The following AGAP1 variants were observed in gnomAD, a reference collection of about 807,000 sequenced individuals.
The protein encoded by AGAP1 is ArfGAP with GTPase domain, ankyrin repeat and PH domain 1.
AGAP1 carries 29 observed loss-of-function variants against 105.3 expected under a neutral mutation model. The ratio of observed to expected loss-of-function variants is 0.28; its 90% confidence interval spans 0.21 to 0.38. AGAP1 has a LOEUF of 0.38. Ranked by LOEUF, AGAP1 falls within the 10% of genes least tolerant of loss-of-function variation. The pLI is 1.00. For missense variants in AGAP1, 998 were observed against 1,165.1 expected (o/e 0.86, Z 2.09); for synonymous variants, 509 against 485.9 (o/e 1.05, Z -0.63).
At position 235,692,997 on chromosome 2, in the gene AGAP1, G is replaced by A. The variant is rs998836669; in HGVS notation, c.164-16182G>A. ...GAGTGTGGCCTGCAGGCCAGTGGCT[G>A]AGGCCCAGTGTGGACTGTAGAGTGT... On this transcript the variant is annotated intron_variant, in intron 1 of 17. Coordinates refer to ENST00000304032, the MANE Select transcript of AGAP1 (RefSeq NM_001037131.3). This position sits in a 1 kb window ranked among gnomAD's most constrained non-coding sequence, Gnocchi z 5.8. 8.5e-5 allele frequency among the ~76,000 whole-genome samples: 13 copies of A among 152,178 alleles called. No homozygotes were observed. The highest frequency in any genetic ancestry group is 1.9e-4 in the Non-Finnish European group (13 of 68,030).
intron 12 of AGAP1, among the ~76,000 whole-genome samples, chr2:235,945,652 G>A (rs2053461191): frequency 6.6e-6 from 1 of 152,070 alleles, no homozygotes; most frequent in Admixed American, 6.5e-5. Context: ...AAAAAACTCA[G>A]TCCTACACAA....
intron 1 of AGAP1, among the ~76,000 whole-genome samples, chr2:235,685,840 C>T (rs866005273): frequency 2.6e-5 from 4 of 152,134 alleles, no homozygotes; most frequent in Middle Eastern, 3.4e-3. Flanking sequence ...AACATGTGCC[C>T]GAGGTGGCCT....
At position 235,930,945 on chromosome 2, in the gene AGAP1, C is replaced by T. The variant is rs746469747; in HGVS notation, c.1483+22C>T. On this transcript the variant is annotated intron_variant, in intron 12 of 17. Transcript: ENST00000304032. This position sits in a 1 kb window ranked among gnomAD's most constrained non-coding sequence, Gnocchi z 7.9. ...AGTGGTAAGAGGGGGCTCAGCCCCA[C>T]GGACCCGCAGCCACCTCAAGGTCCT... 13 of 1,609,500 alleles carry T rather than the reference C, an allele frequency of 8.1e-6. No individual in the cohort carries two copies. The highest frequency in any genetic ancestry group is 4.5e-5 in the East Asian group (2 of 44,730).
At position 235,635,247 on chromosome 2, in the gene AGAP1, G is replaced by A. The variant is rs114889784; in HGVS notation, c.164-73932G>A. ...CGGTCAAACCTTTCCAAGCCTCCGTGTCCTCATCTGAAAATGGGAATGAGG... is the reference window on the plus strand; with the variant it reads ...CGGTCAAACCTTTCCAAGCCTCCGTATCCTCATCTGAAAATGGGAATGAGG... On this transcript the variant is annotated intron_variant, in intron 1 of 17. Coordinates refer to ENST00000304032, the MANE Select transcript of AGAP1 (RefSeq NM_001037131.3). The surrounding 1 kb of genome is among the most constrained non-coding windows in gnomAD (Gnocchi z 5.3). 6.1e-3 allele frequency among the ~76,000 whole-genome samples: 928 copies of A among 152,154 alleles called. 11 individuals are homozygous for A. Among genetic ancestry groups the A allele is most frequent in the African/African-American group, 0.021 (873 of 41,502 alleles).
Position 235,906,403 on chromosome 2 carries a change from G to A in AGAP1, c.1156-2335G>A, listed in dbSNP as rs1004312446. Among the ~76,000 whole-genome samples the A allele has an allele frequency of 5.9e-5, 9 of 152,140 alleles. No individual in the cohort carries two copies. The highest frequency in any genetic ancestry group is 4.1e-4 in the South Asian group (2 of 4,822). On this transcript the variant is annotated intron_variant, in intron 10 of 17. Transcript: ENST00000304032. The surrounding 1 kb of genome is among the most constrained non-coding windows in gnomAD (Gnocchi z 5.3). ...CCCTGGTGTTTTGAGCTTTCTGTCT[G>A]CACCAAGACTTCCGTCCTCAGGGGT...
Position 235,754,816 on chromosome 2 carries a change from C to T in AGAP1, c.673+4328C>T, listed in dbSNP as rs918570082. Among the ~76,000 whole-genome samples, 1 of 152,168 alleles carries T rather than the reference C, an allele frequency of 6.6e-6. No homozygotes were observed. The highest frequency in any genetic ancestry group is 1.5e-5 in the Non-Finnish European group (1 of 68,026). ...GAAGCGCAGGCAGGGTCCCTTCCTC[C>T]GTGAAGTTAAGGTCCACTAGGGAGG... On this transcript the variant is annotated intron_variant, in intron 6 of 17. Transcript: ENST00000304032. This position sits in a 1 kb window ranked among gnomAD's most constrained non-coding sequence, Gnocchi z 4.6.
At chr2:235,647,855 C>T (rs1183712389) in intron 1 of AGAP1, among the ~76,000 whole-genome samples, 1 of 152,108 alleles carries the variant, frequency 6.6e-6, no homozygotes, top group African/African-American at 2.4e-5. Flanking sequence ...GGATCCCCTC[C>T]AGGTCTCTTC....
rs1387939157 is a variant in AGAP1, at chr2:235,772,775, G to A, written c.673+22287G>A. On this transcript the variant is annotated intron_variant, in intron 6 of 17. Transcript: ENST00000304032. ...GACCAGCCTTCACATGGAACCAGCC[G>A]CGAGTAGACAGGCAGAGGCCGCCCT... Among the ~76,000 whole-genome samples, 3 of 152,202 alleles carry A rather than the reference G, an allele frequency of 2.0e-5. 1 individual carries two copies. Among genetic ancestry groups the A allele is most frequent in the East Asian group, 3.9e-4 (2 of 5,180 alleles).
chr2:236,012,771 A>G lies in AGAP1; in HGVS notation c.1646-23790A>G, dbSNP rs1194164737. 6.6e-6 allele frequency among the ~76,000 whole-genome samples: 1 copy of G among 151,018 alleles called. No individual in the cohort carries two copies. Among genetic ancestry groups the G allele is most frequent in the Non-Finnish European group, 1.5e-5 (1 of 67,810 alleles). On this transcript the variant is annotated intron_variant, in intron 13 of 17. Transcript: ENST00000304032. This position sits in a 1 kb window ranked among gnomAD's most constrained non-coding sequence, Gnocchi z 4.9. ...AGAGGTTGTTTCTTACTAAATTATT[A>G]TTATTATTATTATTATTATTCTCTT...
intron 11 of AGAP1, among the ~76,000 whole-genome samples, chr2:235,912,102 G>C (rs775114119): frequency 1.3e-5 from 2 of 152,210 alleles, no homozygotes; most frequent in Non-Finnish European, 2.9e-5. Context: ...CATGGGCGGA[G>C]GCACTTCTGT....
intron 9 of AGAP1, among the ~76,000 whole-genome samples, chr2:235,819,213 T>G (rs1189069539): frequency 2.0e-5 from 3 of 152,002 alleles, no homozygotes; most frequent in Non-Finnish European, 4.4e-5. Context: ...CCTCCCGTGT[T>G]GAATTGATCC....
chr2:236,073,105 C>A lies in AGAP1; in HGVS notation c.2114+23824C>A, dbSNP rs1010019371. Among the ~76,000 whole-genome samples, 1 of 152,042 alleles carries A rather than the reference C, an allele frequency of 6.6e-6. No homozygotes were observed. The highest frequency in any genetic ancestry group is 2.1e-4 in the South Asian group (1 of 4,816). On this transcript the variant is annotated intron_variant, in intron 16 of 17. Coordinates refer to ENST00000304032, the MANE Select transcript of AGAP1 (RefSeq NM_001037131.3). This position sits in a 1 kb window ranked among gnomAD's most constrained non-coding sequence, Gnocchi z 5.4. ...CCGCCTCCCAGATTCGAGCGATTCT[C>A]CTGCCTTGGTCCCCCGAGTAGCTGG...
rs1952426313 is a variant in AGAP1, at chr2:235,739,089, G to C, written c.311-1874G>C. On this transcript the variant is annotated intron_variant, in intron 3 of 17. Transcript: ENST00000304032. This position sits in a 1 kb window ranked among gnomAD's most constrained non-coding sequence, Gnocchi z 5.3. ...ATAAGACTGGGTCGGGTACTGTTCA[G>C]GGTGCTTTGTGTCAACTTATTACTC... Among the ~76,000 whole-genome samples, 1 of 152,204 alleles carries C rather than the reference G, an allele frequency of 6.6e-6. No homozygotes were observed. Among genetic ancestry groups the C allele is most frequent in the Admixed American group, 6.5e-5 (1 of 15,278 alleles).
At chr2:235,910,787 T>G (rs2051567667) in intron 11 of AGAP1, among the ~76,000 whole-genome samples, 1 of 152,078 alleles carries the variant, frequency 6.6e-6, no homozygotes, top group African/African-American at 2.4e-5. Context: ...TGTGGAGATG[T>G]GCGCCTGTAA....
At position 236,080,628 on chromosome 2, in the gene AGAP1, C is replaced by T. The variant is rs927032256; in HGVS notation, c.2114+31347C>T. On this transcript the variant is annotated intron_variant, in intron 16 of 17. Coordinates refer to ENST00000304032, the MANE Select transcript of AGAP1 (RefSeq NM_001037131.3). The surrounding 1 kb of genome is among the most constrained non-coding windows in gnomAD (Gnocchi z 4.2). ...GGTAGGTATAAGATTCCCATTGCTG[C>T]TGTAACAAATTACCACCCACTTAGT... Among the ~76,000 whole-genome samples, 6 of 152,218 alleles carry T rather than the reference C, an allele frequency of 3.9e-5. No homozygotes were observed. The highest frequency in any genetic ancestry group is 3.9e-4 in the Admixed American group (6 of 15,276).
intron 1 of AGAP1, chr2:235,671,077 G>A (rs1241538345): frequency 4.0e-6 from 5 of 1,261,852 alleles, no homozygotes; most frequent in Non-Finnish European, 5.0e-6. Context: ...GTGGCCGGGG[G>A]TCCCGGGACG....
intron 9 of AGAP1, chr2:235,852,553 T>G: frequency 1.2e-6 from 1 of 845,170 alleles, no homozygotes; most frequent in African/African-American, 1.7e-5. Context: ...TAGCCGTCAG[T>G]CAAGTTTTAT....
At position 235,865,274 on chromosome 2, in the gene AGAP1, G is replaced by T. The variant is rs1198280291; in HGVS notation, c.1051-18071G>T. On this transcript the variant is annotated intron_variant, in intron 9 of 17. Coordinates refer to ENST00000304032, the MANE Select transcript of AGAP1 (RefSeq NM_001037131.3). The surrounding 1 kb of genome is among the most constrained non-coding windows in gnomAD (Gnocchi z 6.2). ...TCCCGGCCGGCGCTTTGAAGCCTGT[G>T]CTGTGCGATTTTCTCAGCAGTGAGG... 6.6e-6 allele frequency among the ~76,000 whole-genome samples: 1 copy of T among 152,196 alleles called. No individual in the cohort carries two copies. Among genetic ancestry groups the T allele is most frequent in the South Asian group, 2.1e-4 (1 of 4,834 alleles).
rs1231082120 is a variant in AGAP1, at chr2:235,801,861, T to A, written c.957+2339T>A. Among the ~76,000 whole-genome samples the A allele has an allele frequency of 6.6e-6, 1 of 152,094 alleles. No individual in the cohort carries two copies. Among genetic ancestry groups the A allele is most frequent in the Non-Finnish European group, 1.5e-5 (1 of 68,030 alleles). ...TTTTCTGCTTGTTGACTTTGCTTTC[T>A]CTTTTAAGGAGAGAAATTTTAAAAC... On this transcript the variant is annotated intron_variant, in intron 8 of 17. Coordinates refer to ENST00000304032, the MANE Select transcript of AGAP1 (RefSeq NM_001037131.3). The surrounding 1 kb of genome is among the most constrained non-coding windows in gnomAD (Gnocchi z 6.0).
Sources: allele counts gnomAD v4.1 joint callset (sites outside exome capture counted in the v4.1 genomes callset), GRCh38; gene constraint gnomAD v4.1.1; non-coding constraint Gnocchi (gnomAD v3.1); transcripts MANE v1.5; gene names NCBI Gene and HGNC (gene_info 2026-07-23, HGNC 2026-07-21).